AGMO: variants seen among roughly 807,000 people sequenced by gnomAD.
The protein encoded by AGMO is alkylglycerol monooxygenase, also known as glyceryl-ether monooxygenase.
In AGMO, 75 loss-of-function variants were observed where a neutral mutation model predicts 60.2. That is an observed-to-expected ratio of 1.25 (90% CI 1.03 to 1.51). The LOEUF (loss-of-function observed/expected upper bound fraction) is 1.51, where lower values mean the gene tolerates loss of function less well. Among genes scored for constraint, AGMO ranks in the 40% most tolerant of loss-of-function variants. AGMO has a pLI of 0.00. For synonymous variants in AGMO, 261 were observed against 177.1 expected (o/e 1.47, Z -3.76); for missense variants, 763 against 525.5 (o/e 1.45, Z -4.42).
rs373845365 is a variant in AGMO, at chr7:15,432,379, T to TATATATATATATATATATATATATACAC, written c.410-1272_410-1271insGTGTATATATATATATATATATATATAT. ...ATATATATACACACACATATATATA[T>TATATATATATATATATATATATATACAC]ACACTATCTGGGTAAATTTTGGCCA... On this transcript the variant is annotated intron_variant, in intron 3 of 12. Coordinates refer to ENST00000342526, the MANE Select transcript of AGMO (RefSeq NM_001004320.2). Among the ~76,000 whole-genome samples the TATATATATATATATATATATATATACAC allele has an allele frequency of 2.1e-3, 285 of 136,064 alleles. 8 individuals are homozygous for TATATATATATATATATATATATATACAC. Among genetic ancestry groups the TATATATATATATATATATATATATACAC allele is most frequent in the African/African-American group, 7.4e-3 (263 of 35,516 alleles). 89.3% of individuals were successfully genotyped at this position (136,064 alleles called of 152,430 possible).
At chr7:15,559,553 A>G (rs182931651) in intron 2 of AGMO, among the ~76,000 whole-genome samples, 2 of 152,206 alleles carry the variant, frequency 1.3e-5, no homozygotes, top group African/African-American at 4.8e-5. Flanking sequence ...ATGACAGGAT[A>G]AACATGACAA....
intron 3 of AGMO, among the ~76,000 whole-genome samples, chr7:15,519,312 C>T (rs560767501): frequency 1.3e-5 from 2 of 150,912 alleles, no homozygotes; most frequent in South Asian, 2.1e-4. Context: ...GAGAACACCA[C>T]AAAGATTAGC....
rs543687198 is a variant in AGMO at position 15,418,534 on chromosome 7, T to C, written c.609+24A>G. On this transcript the variant is annotated intron_variant, in intron 5 of 12. Transcript: ENST00000342526. Reference sequence around the variant, plus strand: ...CTTCAGGCTGTTTAGGTATAAAACTTACAAAGATAAAAAAAAGTTTTACCT... The same window carrying C: ...CTTCAGGCTGTTTAGGTATAAAACTCACAAAGATAAAAAAAAGTTTTACCT... 55 of 1,446,130 alleles carry C rather than the reference T, an allele frequency of 3.8e-5. No homozygotes were observed. The Admixed American group carries it at 6.5e-4, about 17-fold the overall frequency. 89.6% of individuals were successfully genotyped at this position (1,446,130 alleles called of 1,614,324 possible).
In AGMO at chr7:15,212,952, A is replaced by T. The variant is rs576514610; in HGVS notation, c.1264-11593T>A. On this transcript the variant is annotated intron_variant, in intron 12 of 12. Transcript: ENST00000342526. The stretch of plus-strand genomic sequence containing the variant: ...CAACAAACGTCAGTAGTTTCAATTG[A>T]TTATATTGTGTTATTATTGTCAGCA... 1.1e-4 allele frequency among the ~76,000 whole-genome samples: 16 copies of T among 152,072 alleles called. No individual in the cohort carries two copies. In the South Asian group the frequency reaches 1.9e-3, roughly 18 times the overall value.
At chr7:15,361,937 T>C (rs556019007) in intron 12 of AGMO, among the ~76,000 whole-genome samples, 1 of 152,264 alleles carries the variant, frequency 6.6e-6, no homozygotes, top group South Asian at 2.1e-4. Flanking sequence ...GCTACCAATA[T>C]ATACAACATT....
intron 3 of AGMO, among the ~76,000 whole-genome samples, chr7:15,456,317 C>CT (rs1161882583): frequency 6.6e-6 from 1 of 152,030 alleles, no homozygotes; most frequent in Admixed American, 6.6e-5. Flanking sequence ...TGCATTGTCT[C>CT]TGTTTCTCCT....
chr7:15,325,649 TA>T (rs1563088663), intron 12 of AGMO, among the ~76,000 whole-genome samples: 1 of 152,070 alleles, frequency 6.6e-6, no homozygotes, highest in East Asian at 1.9e-4. Flanking sequence ...CTCAAAACTT[TA>T]AAAGAAATGT....
chr7:15,312,075 G>C (rs994764375), intron 12 of AGMO, among the ~76,000 whole-genome samples: 3 of 151,904 alleles, frequency 2.0e-5, no homozygotes, highest in Non-Finnish European at 4.4e-5. Flanking sequence ...AAGAGAATGA[G>C]ACAGGGAGAG....
chr7:15,341,887 T>C (rs571328357), intron 12 of AGMO, among the ~76,000 whole-genome samples: 2 of 152,038 alleles, frequency 1.3e-5, no homozygotes, highest in Non-Finnish European at 2.9e-5. Flanking sequence ...TCGTGAGACA[T>C]ATTCACTATC....
rs909249683 is a variant in AGMO at position 15,200,977 on chromosome 7, G to C, written c.*308C>G. ...TGATGTAAAGGCAATATTCCTTCTT[G>C]TTTTTACTGTTTTTAAGTTTCATCC... On this transcript the variant is annotated 3_prime_UTR_variant, in exon 13 of 13. Coordinates refer to ENST00000342526, the MANE Select transcript of AGMO (RefSeq NM_001004320.2). The C allele has an allele frequency of 3.7e-5, 8 of 213,538 alleles. No homozygotes were observed. The highest frequency in any genetic ancestry group is 6.4e-5 in the Non-Finnish European group (7 of 109,530). The allele number at this position is 213,538 out of a possible 1,614,324, so 13.2% of individuals were successfully genotyped here.
chr7:15,426,694 G>A (rs538708721), intron 4 of AGMO, among the ~76,000 whole-genome samples: 2 of 151,996 alleles, frequency 1.3e-5, no homozygotes, highest in Non-Finnish European at 2.9e-5. Flanking sequence ...GGTTGCAGTG[G>A]GCTGAGACAC....
rs554566831 is a variant in AGMO, at chr7:15,317,059, TC to T, written c.1263+48454del. ...AAAAAGTCAGTATTTTAAAAATACTTCCAGTTTACAACTGTATTTTCCCTTG... is the reference window on the plus strand; with the variant it reads ...AAAAAGTCAGTATTTTAAAAATACTTCAGTTTACAACTGTATTTTCCCTTG... On this transcript the variant is annotated intron_variant, in intron 12 of 12. Transcript: ENST00000342526. 7.7e-4 allele frequency among the ~76,000 whole-genome samples: 117 copies of T among 152,294 alleles called. 1 individual carries two copies. The highest frequency in any genetic ancestry group is 3.4e-3 in the Middle Eastern group (1 of 294).
chr7:15,263,434 G>C (rs557569485), intron 12 of AGMO, among the ~76,000 whole-genome samples: 71 of 151,802 alleles, frequency 4.7e-4, no homozygotes, highest in Middle Eastern at 6.8e-3. Flanking sequence ...TATTGGCATA[G>C]ATGTGGTAAA....
chr7:15,392,666 G>C (rs1024148791), intron 6 of AGMO, among the ~76,000 whole-genome samples: 1 of 151,968 alleles, frequency 6.6e-6, no homozygotes, highest in Non-Finnish European at 1.5e-5. Context: ...ACACGTGGTG[G>C]CTGGCACCTG....
At chr7:15,396,758 A>AGAGCTGATTGGTCCATCTTACAGG (rs1562486513) in intron 5 of AGMO, among the ~76,000 whole-genome samples, 114 of 150,910 alleles carry the variant, frequency 7.6e-4, no homozygotes, top group African/African-American at 2.8e-3. Context: ...CATTTTACGG[A>AGAGCTGATTGGTCCATCTTACAGG]GAGCTGATTG....
At chr7:15,324,119 C>T (rs1781264634) in intron 12 of AGMO, among the ~76,000 whole-genome samples, 1 of 152,066 alleles carries the variant, frequency 6.6e-6, no homozygotes, top group Admixed American at 6.6e-5. Flanking sequence ...CCAATGTTTC[C>T]ATCAGACAAT....
chr7:15,207,801 GC>G (rs1310493565), intron 12 of AGMO, among the ~76,000 whole-genome samples: 2 of 152,180 alleles, frequency 1.3e-5, no homozygotes, highest in Non-Finnish European at 1.5e-5. Context: ...GGGCTTGGTG[GC>G]GGGCACCTGT....
chr7:15,395,539 G>C (rs992152041), intron 5 of AGMO, among the ~76,000 whole-genome samples: 1 of 152,072 alleles, frequency 6.6e-6, no homozygotes, highest in South Asian at 2.1e-4. Context: ...CATTTGTTTA[G>C]CGTTGTATAA....
intron 12 of AGMO, among the ~76,000 whole-genome samples, chr7:15,243,069 T>G (rs1782639079): frequency 6.6e-6 from 1 of 152,044 alleles, no homozygotes; most frequent in Admixed American, 6.6e-5. Context: ...TGTTAATAAT[T>G]GTATATGTGT....
Sources: gnomAD v4.1 joint callset for allele counts (sites outside exome capture counted in the v4.1 genomes callset) on GRCh38, gnomAD v4.1.1 for gene constraint, MANE v1.5 for transcripts, NCBI Gene and HGNC (gene_info 2026-07-23, HGNC 2026-07-21) for gene names.